Variants in SLC4A10 observed in about 807,000 individuals in gnomAD.
SLC4A10 encodes the protein solute carrier family 4 member 10.
In SLC4A10, 42 loss-of-function variants were observed where a neutral mutation model predicts 137.7. That is an observed-to-expected ratio of 0.30 (90% CI 0.24 to 0.39). The LOEUF is 0.39. Among genes scored for constraint, SLC4A10 ranks in the 10% least tolerant of loss-of-function variants. SLC4A10 has a pLI of 1.00. For missense variants in SLC4A10, 925 were observed against 1,355.0 expected, an observed-to-expected ratio of 0.68 and a Z score of 4.98; for synonymous variants, 474 against 464.1, an observed-to-expected ratio of 1.02 and a Z score of -0.27.
intron 1 of SLC4A10, among the ~76,000 whole-genome samples, chr2:161,714,963 A>G (rs909615665): frequency 6.6e-6 from 1 of 152,044 alleles, no homozygotes; most frequent in African/African-American, 2.4e-5. Flanking sequence ...ATGTATGTGT[A>G]TATTTGTGTG....
chr2:161,956,887 C>G, intron 19 of SLC4A10, 102 bp from the exon 20 acceptor site: 1 of 1,266,374 alleles, frequency 7.9e-7, no homozygotes, highest in Non-Finnish European at 1.1e-6. Flanking sequence ...ATATGAAGGG[C>G]TTGTTGAGTA....
rs564384770 is a variant in SLC4A10, at chr2:161,843,301, G to A, written c.416+3374G>A. On this transcript the variant is annotated intron_variant, in intron 4 of 26. Transcript: ENST00000446997. ...AGTTGAGCAGGTAGGTTTTTGTTAT[G>A]CTCTAATGGATTAACTCAATAACAT... Among the ~76,000 whole-genome samples the A allele has an allele frequency of 7.9e-5, 12 of 152,214 alleles. No homozygotes were observed. In the South Asian group the frequency reaches 2.5e-3, roughly 32 times the overall value.
intron 1 of SLC4A10, chr2:161,708,924 G>T: frequency 7.4e-7 from 1 of 1,346,936 alleles, no homozygotes; most frequent in Non-Finnish European, 9.8e-7. Context: ...TAATGTAATT[G>T]TTTATTGTCA....
intron 1 of SLC4A10, among the ~76,000 whole-genome samples, chr2:161,700,826 C>T (rs13394042): frequency 0.037 from 5,558 of 152,146 alleles, 338 homozygotes; most frequent in African/African-American, 0.13. Flanking sequence ...CTGCTCTACG[C>T]GCTCTGTAGT....
At chr2:161,630,895 AT>A (rs909818122) in intron 1 of SLC4A10, among the ~76,000 whole-genome samples, 92 of 149,722 alleles carry the variant, frequency 6.1e-4, no homozygotes, top group African/African-American at 1.9e-3. Flanking sequence ...ATTTGAAAAT[AT>A]TTTTTTAGTT....
chr2:161,804,147 T>A (rs2055667065), intron 2 of SLC4A10, among the ~76,000 whole-genome samples: 1 of 152,050 alleles, frequency 6.6e-6, no homozygotes, highest in Non-Finnish European at 1.5e-5. Flanking sequence ...AAACAATTTT[T>A]TTTCTAATGA....
intron 1 of SLC4A10, among the ~76,000 whole-genome samples, chr2:161,702,813 T>C (rs1014838476): frequency 1.3e-5 from 2 of 151,874 alleles, no homozygotes; most frequent in African/African-American, 4.8e-5. Flanking sequence ...ATGTTCTCTA[T>C]GGATCAGCAG....
Position 161,804,438 on chromosome 2 carries a change from T to A in SLC4A10, c.131-11T>A, listed in dbSNP as rs1211182789. ...TCAGAGTTTAATTTGTGGGTTTGCT[T>A]CCTTATGAAGGTCATCGAACACTAT... On this transcript the variant is annotated splice_polypyrimidine_tract_variant and intron_variant, in intron 2 of 26. Transcript: ENST00000446997. 1 of 1,607,140 alleles carries A rather than the reference T, an allele frequency of 6.2e-7. No individual in the cohort carries two copies. The highest frequency in any genetic ancestry group is 2.2e-5 in the East Asian group (1 of 44,736).
intron 10 of SLC4A10, among the ~76,000 whole-genome samples, chr2:161,888,426 C>T (rs2062549851): frequency 6.6e-6 from 1 of 152,198 alleles, no homozygotes; most frequent in Non-Finnish European, 1.5e-5. Context: ...TATCCATGAG[C>T]ATGGAATGTT....
At chr2:161,718,940 A>G (rs1217380671) in intron 1 of SLC4A10, among the ~76,000 whole-genome samples, 1 of 152,080 alleles carries the variant, frequency 6.6e-6, no homozygotes, top group African/African-American at 2.4e-5. Flanking sequence ...TTTAGGGTAC[A>G]TGTGCACAAT....
intron 1 of SLC4A10, among the ~76,000 whole-genome samples, chr2:161,637,530 T>G (rs2034637365): frequency 6.6e-6 from 1 of 152,082 alleles, no homozygotes; most frequent in Non-Finnish European, 1.5e-5. Context: ...AATCCACTCA[T>G]TTATTGATGG....
intron 1 of SLC4A10, among the ~76,000 whole-genome samples, chr2:161,646,187 T>G (rs966716888): frequency 6.6e-6 from 1 of 152,024 alleles, no homozygotes; most frequent in African/African-American, 2.4e-5. Context: ...TGATTAAGTT[T>G]CCATAGGGTC....
At chr2:161,767,148 T>TGG (rs2050949139) in intron 1 of SLC4A10, among the ~76,000 whole-genome samples, 1 of 114,674 alleles carries the variant, frequency 8.7e-6, no homozygotes, top group Admixed American at 9.3e-5. Flanking sequence ...TATGTGTGTG[T>TGG]GTGTGTGTGT....
chr2:161,675,690 A>G (rs966625625), intron 1 of SLC4A10, among the ~76,000 whole-genome samples: 6 of 152,114 alleles, frequency 3.9e-5, no homozygotes, highest in African/African-American at 1.4e-4. Flanking sequence ...TTATAATTCC[A>G]TGGACCTTTT....
chr2:161,975,210 T>C (rs1042299408), intron 24 of SLC4A10, among the ~76,000 whole-genome samples: 3 of 152,156 alleles, frequency 2.0e-5, no homozygotes, highest in African/African-American at 7.2e-5. Flanking sequence ...TTTTTTTTCT[T>C]TTTTACAACA....
chr2:161,893,457 G>A (rs1195858032), intron 10 of SLC4A10, among the ~76,000 whole-genome samples: 2 of 152,064 alleles, frequency 1.3e-5, no homozygotes, highest in African/African-American at 2.4e-5. Flanking sequence ...AGCACTTTGG[G>A]AGGCCAAGGT....
chr2:161,848,009 C>T lies in SLC4A10; in HGVS notation c.417-6961C>T, dbSNP rs552732892. Among the ~76,000 whole-genome samples, 7 of 152,268 alleles carry T rather than the reference C, an allele frequency of 4.6e-5. No individual in the cohort carries two copies. In the East Asian group the frequency reaches 5.8e-4, roughly 13 times the overall value. ...TCCCACCAGCAATGTATAAGCATTC[C>T]CCTTCCTCTGCAACCTCACCAGCTT... On this transcript the variant is annotated intron_variant, in intron 4 of 26. Transcript: ENST00000446997.
In SLC4A10 at chr2:161,666,238, T is replaced by C. The variant is rs566982901; in HGVS notation, c.48+41672T>C. Among the ~76,000 whole-genome samples the C allele has an allele frequency of 1.1e-4, 16 of 151,694 alleles. 1 individual carries two copies. In the East Asian group the frequency reaches 2.1e-3, roughly 20 times the overall value. On this transcript the variant is annotated intron_variant, in intron 1 of 26. Transcript: ENST00000446997. ...TGATAATATCCAAATTAACCTGTAG[T>C]TTTCTCTTGACAGAATATTGTACCA...
At chr2:161,782,743 C>G (rs1008409364) in intron 2 of SLC4A10, among the ~76,000 whole-genome samples, 7 of 144,376 alleles carry the variant, frequency 4.8e-5, no homozygotes, top group Admixed American at 4.2e-4. Context: ...CTAGATCAAG[C>G]TAAAGAAAGA....
Sources: gnomAD v4.1 joint callset for allele counts (sites outside exome capture counted in the v4.1 genomes callset) on GRCh38, gnomAD v4.1.1 for gene constraint, MANE v1.5 for transcripts, NCBI Gene and HGNC (gene_info 2026-07-23, HGNC 2026-07-21) for gene names.